Variants in OR4D1 observed in about 807,000 individuals in gnomAD.
The protein encoded by OR4D1 is olfactory receptor 4D1.
A neutral mutation model predicts 14.2 loss-of-function variants in OR4D1; 10 were observed. That is an observed-to-expected ratio of 0.71 (90% CI 0.44 to 1.20). OR4D1 has a LOEUF of 1.20. Ranked by LOEUF, OR4D1 falls within the 50% of genes most tolerant of loss-of-function variation. OR4D1 has a pLI of 0.00. For synonymous variants in OR4D1, 141 were observed against 147.4 expected, an observed-to-expected ratio of 0.96 and a Z score of 0.32; for missense variants, 345 against 376.6, an observed-to-expected ratio of 0.92 and a Z score of 0.70.
chr17:58,155,881 A>G lies in OR4D1; in HGVS notation c.728A>G (p.His243Arg). 1 of 1,614,106 alleles carries G rather than the reference A, an allele frequency of 6.2e-7. No individual in the cohort carries two copies. The highest frequency in any genetic ancestry group is 8.5e-7 in the Non-Finnish European group (1 of 1,179,956). ...AAGGCAGCTTCCACCTGCACCACCC[A>G]CATCATCGTGGTGTCCATGATCTTC... is the stretch of plus-strand genomic sequence containing the variant. Reference protein sequence around the residue: ...RRKAASTCTTHIIVVSMIFIP... With the variant: ...RRKAASTCTTRIIVVSMIFIP... Residue 243 changes from histidine to arginine, a missense_variant, in exon 4 of 4, where the codon CAC (histidine) becomes CGC (arginine). Physicochemically the swap from His to Arg is conservative, Grantham distance 29. Coordinates refer to ENST00000268912, the MANE Select transcript of OR4D1 (RefSeq NM_001386095.1).
In OR4D1 at chr17:58,155,325, C is replaced by A. The variant is rs755150132; in HGVS notation, c.172C>A (p.Pro58Thr). 1 of 1,614,172 alleles carries A rather than the reference C, an allele frequency of 6.2e-7. No individual in the cohort carries two copies. The highest frequency in any genetic ancestry group is 8.5e-7 in the Non-Finnish European group (1 of 1,180,042). Residue 58 changes from proline (P) to threonine (T), a missense_variant, in exon 4 of 4, where the codon CCC becomes ACC. Physicochemically the swap from Pro to Thr is conservative, Grantham distance 38. Coordinates refer to ENST00000268912, the MANE Select transcript of OR4D1 (RefSeq NM_001386095.1). The stretch of plus-strand genomic sequence containing the variant: ...GACTTTTGACTGCCGGCTCCACACA[C>A]CCATGTATTTTCTGCTCCGAAATCT... ...TVTFDCRLHT[P>T]MYFLLRNLAL...
At position 58,159,487 on chromosome 17, in the gene OR4D1, G is replaced by T; in HGVS notation, c.*3401G>T. 1 of 149,962 alleles carries T rather than the reference G, an allele frequency of 6.7e-6. No homozygotes were observed. Among genetic ancestry groups the T allele is most frequent in the South Asian group, 1.9e-4 (1 of 5,146 alleles). The allele number at this position is 149,962 out of a possible 1,614,324, so 9.3% of individuals were successfully genotyped here. The stretch of plus-strand genomic sequence containing the variant: ...GCAACAAGGTGCCATCTTGGAAGCA[G>T]AGAATAGCCCTCACCAGACAACCAA... On this transcript the variant is annotated 3_prime_UTR_variant, in exon 4 of 4. Coordinates refer to ENST00000268912, the MANE Select transcript of OR4D1 (RefSeq NM_001386095.1).
At chr17:58,154,399 G>C (rs1013218959) in intron 3 of OR4D1, among the ~76,000 whole-genome samples, 3 of 151,052 alleles carry the variant, frequency 2.0e-5, no homozygotes, top group Non-Finnish European at 4.4e-5. Context: ...ATAAATTTTA[G>C]AAGTTAAAAC....
At chr17:58,150,265 T>C (rs549492150) in intron 2 of OR4D1, among the ~76,000 whole-genome samples, 2 of 152,270 alleles carry the variant, frequency 1.3e-5, no homozygotes, top group East Asian at 1.9e-4. Context: ...TAAAGAGCCA[T>C]GGAAAATTTT....
At position 58,157,129 on chromosome 17, in the gene OR4D1, G is replaced by A; in HGVS notation, c.*1043G>A. ...GAGGAGCGCCGCGTCAAGGTCTCCA[G>A]CCTGCCCTACAGTGTGGATGCGCTC... On this transcript the variant is annotated 3_prime_UTR_variant, in exon 4 of 4. Coordinates refer to ENST00000268912, the MANE Select transcript of OR4D1 (RefSeq NM_001386095.1). 6.8e-7 allele frequency: 1 copy of A among 1,481,136 alleles called. No homozygotes were observed. The highest frequency in any genetic ancestry group is 9.0e-7 in the Non-Finnish European group (1 of 1,110,588). The allele number at this position is 1,481,136 out of a possible 1,614,324, so 91.7% of individuals were successfully genotyped here. A position where few individuals can be genotyped will look rare whatever the true frequency, so the allele number is the denominator to read the frequency against.
At chr17:58,152,856 G>A (rs1967720953) in intron 2 of OR4D1, among the ~76,000 whole-genome samples, 1 of 152,272 alleles carries the variant, frequency 6.6e-6, no homozygotes, top group South Asian at 2.1e-4. Context: ...GATTGCTTGA[G>A]ACTGGCTCCT....
rs1053710643 is a variant in OR4D1 at position 58,159,117 on chromosome 17, G to A, written c.*3031G>A. 1.3e-5 allele frequency: 2 copies of A among 152,142 alleles called. No individual in the cohort carries two copies. The highest frequency in any genetic ancestry group is 4.8e-5 in the African/African-American group (2 of 41,426). The allele number at this position is 152,142 out of a possible 1,614,324, so 9.4% of individuals were successfully genotyped here. ...ATGTTTTATTGCAAAAAAAAGAAGAGAAAGTTATCTCACTTTTAGCATTGT... is the reference window on the plus strand; with the variant it reads ...ATGTTTTATTGCAAAAAAAAGAAGAAAAAGTTATCTCACTTTTAGCATTGT... On this transcript the variant is annotated 3_prime_UTR_variant, in exon 4 of 4. Transcript: ENST00000268912.
intron 2 of OR4D1, among the ~76,000 whole-genome samples, chr17:58,151,587 G>T (rs1967705743): frequency 6.6e-6 from 1 of 152,164 alleles, no homozygotes; most frequent in Non-Finnish European, 1.5e-5. Flanking sequence ...CCCCGCAAAG[G>T]ACATGATCAA....
At chr17:58,151,590 A>G (rs1967705796) in intron 2 of OR4D1, among the ~76,000 whole-genome samples, 1 of 152,328 alleles carries the variant, frequency 6.6e-6, no homozygotes, top group African/African-American at 2.4e-5. Flanking sequence ...CGCAAAGGAC[A>G]TGATCAATAG....
chr17:58,153,171 C>A (rs965093190), intron 2 of OR4D1, among the ~76,000 whole-genome samples: 3 of 152,172 alleles, frequency 2.0e-5, no homozygotes, highest in African/African-American at 7.2e-5. Context: ...AAATCAGAGA[C>A]CAAAATGTGT....
In OR4D1 at chr17:58,158,841, C is replaced by G. The variant is rs2143666791; in HGVS notation, c.*2755C>G. 1 of 152,410 alleles carries G rather than the reference C, an allele frequency of 6.6e-6. No homozygotes were observed. The highest frequency in any genetic ancestry group is 2.1e-4 in the South Asian group (1 of 4,820). The allele number at this position is 152,410 out of a possible 1,614,324, so 9.4% of individuals were successfully genotyped here. ...AAATTATGCTTTCTCTGTGTGTGTACCTGCTGTATATGCTAAACTTATTAG... is the reference window on the plus strand; with the variant it reads ...AAATTATGCTTTCTCTGTGTGTGTAGCTGCTGTATATGCTAAACTTATTAG... On this transcript the variant is annotated 3_prime_UTR_variant, in exon 4 of 4. Transcript: ENST00000268912.
chr17:58,157,415 C>T lies in OR4D1; in HGVS notation c.*1329C>T. ...CCCTACCACCTGCACCCTGAGAAAACACAAGACCAATCCGAAGCCGCGCAC... is the reference window on the plus strand; with the variant it reads ...CCCTACCACCTGCACCCTGAGAAAATACAAGACCAATCCGAAGCCGCGCAC... On this transcript the variant is annotated 3_prime_UTR_variant, in exon 4 of 4. Coordinates refer to ENST00000268912, the MANE Select transcript of OR4D1 (RefSeq NM_001386095.1). 1 of 1,172,230 alleles carries T rather than the reference C, an allele frequency of 8.5e-7. No homozygotes were observed. The highest frequency in any genetic ancestry group is 1.3e-6 in the Non-Finnish European group (1 of 794,612). 72.6% of individuals were successfully genotyped at this position (1,172,230 alleles called of 1,614,324 possible).
At chr17:58,150,783 G>A (rs936885312) in intron 2 of OR4D1, among the ~76,000 whole-genome samples, 7 of 151,978 alleles carry the variant, frequency 4.6e-5, no homozygotes, top group Admixed American at 6.6e-5. Context: ...CCCACACTGC[G>A]TCTCCTCCTC....
In OR4D1 at chr17:58,155,600, G is replaced by C. The variant is rs369849742; in HGVS notation, c.447G>C (p.Trp149Cys). ...QLCVGLVVAA[W>C]VGGFVHSIVQ... ...GTGTGGGCCTGGTAGTAGCCGCCTG[G>C]GTGGGGGGCTTTGTCCACTCCATTG... is the stretch of plus-strand genomic sequence containing the variant. The change falls in exon 4 of 4, where the codon TGG (tryptophan) becomes TGC (cysteine). Residue 149 changes from tryptophan to cysteine, a missense_variant. Trp to Cys is a radical substitution (Grantham distance 215). Transcript: ENST00000268912. 15 of 1,613,996 alleles carry C rather than the reference G, an allele frequency of 9.3e-6. No individual in the cohort carries two copies. Among genetic ancestry groups the C allele is most frequent in the Non-Finnish European group, 1.2e-5 (14 of 1,180,028 alleles).
At chr17:58,149,962 A>C (rs1967680234) in intron 2 of OR4D1, among the ~76,000 whole-genome samples, 166 bp downstream of exon 2, 1 of 152,242 alleles carries the variant, frequency 6.6e-6, no homozygotes, top group African/African-American at 2.4e-5. Context: ...GGTACTTACT[A>C]TACTTATAAA....
Position 58,155,619 on chromosome 17 carries a change from TC to T in OR4D1, c.468del (p.Ile157LeufsTer6). On this transcript the variant is annotated frameshift_variant, in exon 4 of 4. Transcript: ENST00000268912. LOFTEE classifies it high-confidence loss of function. ...CGCCTGGGTGGGGGGCTTTGTCCAC[TC>T]CATTGTCCAACTGGCTCTGATACTT... ...VAAWVGGFVH[S>X]IVQLALILPL... 6.2e-7 allele frequency: 1 copy of T among 1,614,140 alleles called. No homozygotes were observed. Among genetic ancestry groups the T allele is most frequent in the Non-Finnish European group, 8.5e-7 (1 of 1,180,014 alleles).
At position 58,155,840 on chromosome 17, in the gene OR4D1, G is replaced by T. The variant is rs199957444; in HGVS notation, c.687G>T (p.Ser229=). 2 of 1,614,096 alleles carry T rather than the reference G, an allele frequency of 1.2e-6. No individual in the cohort carries two copies. Among genetic ancestry groups the T allele is most frequent in the Admixed American group, 3.3e-5 (2 of 60,020 alleles). Residue 229 remains serine (S), a synonymous_variant, in exon 4 of 4, where the codon TCG becomes TCT. Coordinates refer to ENST00000268912, the MANE Select transcript of OR4D1 (RefSeq NM_001386095.1). ...TVILVMLRSH[S]GKARRKAAST... The stretch of plus-strand genomic sequence containing the variant: ...TCCTGGTGATGCTGAGGTCCCACTC[G>T]GGAAAGGCAAGGAGGAAGGCAGCTT...
chr17:58,158,913 A>G lies in OR4D1; in HGVS notation c.*2827A>G, dbSNP rs1289706498. The G allele has an allele frequency of 6.6e-6, 1 of 152,346 alleles. No individual in the cohort carries two copies. The highest frequency in any genetic ancestry group is 1.5e-5 in the Non-Finnish European group (1 of 68,028). The allele number at this position is 152,346 out of a possible 1,614,324, so 9.4% of individuals were successfully genotyped here. A position where few individuals can be genotyped will look rare whatever the true frequency, so the allele number is the denominator to read the frequency against. On this transcript the variant is annotated 3_prime_UTR_variant, in exon 4 of 4. Coordinates refer to ENST00000268912, the MANE Select transcript of OR4D1 (RefSeq NM_001386095.1). ...CATGTCCAGGGCAGAAGATAAAGCC[A>G]TGTTTTGACTTGGTGAAAATGGAGT...
In OR4D1 at chr17:58,157,613, C is replaced by A; in HGVS notation, c.*1527C>A. 1 of 1,613,766 alleles carries A rather than the reference C, an allele frequency of 6.2e-7. No homozygotes were observed. Among genetic ancestry groups the A allele is most frequent in the Non-Finnish European group, 8.5e-7 (1 of 1,179,776 alleles). On this transcript the variant is annotated 3_prime_UTR_variant, in exon 4 of 4. Transcript: ENST00000268912. The stretch of plus-strand genomic sequence containing the variant: ...GACGAAAAGACTGCAGGAGTCAGAA[C>A]TGGAAAAGCTGAAAATGGCTGCAAA...
Sources: allele counts gnomAD v4.1 joint callset (sites outside exome capture counted in the v4.1 genomes callset), GRCh38; gene constraint gnomAD v4.1.1; transcripts MANE v1.5; gene names NCBI Gene and HGNC (gene_info 2026-07-23, HGNC 2026-07-21).